The following MYT1L variants were observed in gnomAD, a reference collection of about 807,000 sequenced individuals.
MYT1L encodes the protein myelin transcription factor 1-like protein.
In MYT1L, 12 loss-of-function variants were observed where a neutral mutation model predicts 126.7. That is an observed-to-expected ratio of 0.09 (90% CI 0.06 to 0.15). The LOEUF is 0.15. MYT1L is among the 10% of genes least tolerant of loss of function. MYT1L has a pLI of 1.00. For missense variants in MYT1L, 979 were observed against 1,585.2 expected (o/e 0.62, Z 6.49); for synonymous variants, 541 against 604.2 (o/e 0.90, Z 1.53).
chr2:1,878,960 C>T (rs2047231548), intron 18 of MYT1L, among the ~76,000 whole-genome samples: 1 of 152,114 alleles, frequency 6.6e-6, no homozygotes, highest in Non-Finnish European at 1.5e-5. Flanking sequence ...CAGAAACAAA[C>T]CTCTTTCTGT....
intron 9 of MYT1L, among the ~76,000 whole-genome samples, chr2:1,938,962 A>C (rs1450001982): frequency 6.6e-6 from 1 of 152,224 alleles, no homozygotes; most frequent in Non-Finnish European, 1.5e-5. Context: ...TCTGAAACAA[A>C]ACCTCTTAGT....
intron 1 of MYT1L, among the ~76,000 whole-genome samples, chr2:2,307,660 A>G (rs1212242963): frequency 6.6e-6 from 1 of 151,990 alleles, no homozygotes; most frequent in African/African-American, 2.4e-5. Flanking sequence ...AGTACACTCT[A>G]CCTATACTCC....
At position 2,014,038 on chromosome 2, in the gene MYT1L, A is replaced by G. The variant is rs552212049; in HGVS notation, c.-157-16691T>C. On this transcript the variant is annotated intron_variant, in intron 4 of 24. Coordinates refer to ENST00000647738, the MANE Select transcript of MYT1L (RefSeq NM_001303052.2). ...GCCCATGCCTTTTCCTATGCAGCCA[A>G]TTTGCCTAGTAAATAACAACTAACT... 1.1e-4 allele frequency among the ~76,000 whole-genome samples: 17 copies of G among 152,320 alleles called. No individual in the cohort carries two copies. The South Asian group carries it at 2.9e-3, about 26-fold the overall frequency.
intron 3 of MYT1L, among the ~76,000 whole-genome samples, chr2:2,143,709 A>G (rs2084395384): frequency 6.6e-6 from 1 of 152,088 alleles, no homozygotes; most frequent in Non-Finnish European, 1.5e-5. Context: ...GCACAGCTAA[A>G]GAAAAGAGGA....
chr2:1,810,401 A>G (rs1221645275), intron 21 of MYT1L, among the ~76,000 whole-genome samples: 1 of 152,094 alleles, frequency 6.6e-6, no homozygotes, highest in African/African-American at 2.4e-5. Context: ...TGGCCTCCCA[A>G]AGTGCTAGGA....
intron 5 of MYT1L, among the ~76,000 whole-genome samples, chr2:1,987,622 T>C (rs2061147025): frequency 6.6e-6 from 1 of 152,228 alleles, no homozygotes; most frequent in Non-Finnish European, 1.5e-5. Context: ...GTTCTGAAGC[T>C]GGACCTAGCA....
At chr2:2,057,432 C>T (rs1168179391) in intron 3 of MYT1L, among the ~76,000 whole-genome samples, 2 of 151,978 alleles carry the variant, frequency 1.3e-5, no homozygotes, top group African/African-American at 4.8e-5. Context: ...CACGCCCATC[C>T]TTTTCCTTTC....
At chr2:2,137,129 C>T (rs2148105159) in intron 3 of MYT1L, among the ~76,000 whole-genome samples, 1 of 152,288 alleles carries the variant, frequency 6.6e-6, no homozygotes, top group East Asian at 1.9e-4. Flanking sequence ...ATCCACCTTA[C>T]AAGGGACGTG....
chr2:2,031,038 C>A (rs867276596), intron 4 of MYT1L, among the ~76,000 whole-genome samples: 7 of 152,318 alleles, frequency 4.6e-5, no homozygotes, highest in Middle Eastern at 6.8e-3. Flanking sequence ...AAATTATGCA[C>A]CCTTCATCAC....
intron 3 of MYT1L, among the ~76,000 whole-genome samples, chr2:2,066,396 C>T (rs975182992): frequency 1.3e-5 from 2 of 152,200 alleles, no homozygotes; most frequent in Admixed American, 6.5e-5. Context: ...AGAACAGCCC[C>T]GCCTCTTCCC....
intron 11 of MYT1L, among the ~76,000 whole-genome samples, chr2:1,916,369 G>C (rs2052827973): frequency 6.6e-6 from 1 of 152,116 alleles, no homozygotes; most frequent in Non-Finnish European, 1.5e-5. Flanking sequence ...TTCCCCACTA[G>C]AAACTGTGTC....
intron 2 of MYT1L, among the ~76,000 whole-genome samples, chr2:2,276,778 C>G (rs771762711): frequency 5.3e-5 from 8 of 152,068 alleles, no homozygotes; most frequent in Non-Finnish European, 8.8e-5. Context: ...TGCCTGCTTT[C>G]TACTCCTCCT....
At chr2:2,222,175 GA>G (rs1246512047) in intron 2 of MYT1L, among the ~76,000 whole-genome samples, 1 of 152,174 alleles carries the variant, frequency 6.6e-6, no homozygotes, top group African/African-American at 2.4e-5. Flanking sequence ...GAAACTCAGT[GA>G]AAAGGAGTTC....
chr2:1,902,188 A>G (rs1198173398), intron 14 of MYT1L, among the ~76,000 whole-genome samples: 1 of 152,236 alleles, frequency 6.6e-6, no homozygotes, highest in Non-Finnish European at 1.5e-5. Flanking sequence ...CTCTAATGAA[A>G]AGCTACTTAC....
intron 18 of MYT1L, among the ~76,000 whole-genome samples, chr2:1,875,586 G>A (rs2046807328): frequency 6.6e-6 from 1 of 152,242 alleles, no homozygotes; most frequent in Admixed American, 6.5e-5. Flanking sequence ...GAGTGCCTCA[G>A]TTTCCCTCCC....
intron 3 of MYT1L, among the ~76,000 whole-genome samples, chr2:2,057,792 G>T (rs966287227): frequency 1.3e-5 from 2 of 152,146 alleles, no homozygotes; most frequent in Admixed American, 1.3e-4. Flanking sequence ...CTTTCTAATG[G>T]CTGAGTAGTA....
At chr2:2,185,497 T>TCC (rs2092022356) in intron 2 of MYT1L, among the ~76,000 whole-genome samples, 22 of 113,334 alleles carry the variant, frequency 1.9e-4, no homozygotes, top group African/African-American at 6.0e-4. Flanking sequence ...CAGCCAGGCC[T>TCC]TCCGGGCCTT....
At chr2:2,040,927 G>A (rs1041551679) in intron 4 of MYT1L, among the ~76,000 whole-genome samples, 2 of 152,122 alleles carry the variant, frequency 1.3e-5, no homozygotes, top group African/African-American at 4.8e-5. Context: ...AGTAACCAAT[G>A]TGCTTAGAAA....
At chr2:1,792,075 A>T (rs2032187683) in intron 24 of MYT1L, 68 bp from the exon 25 acceptor site, 3 of 1,324,162 alleles carry the variant, frequency 2.3e-6, no homozygotes, top group South Asian at 1.6e-5. Context: ...ACAAAAGCAT[A>T]AAATAGTATC....
Sources: allele counts gnomAD v4.1 joint callset (sites outside exome capture counted in the v4.1 genomes callset), GRCh38; gene constraint gnomAD v4.1.1; transcripts MANE v1.5; gene names NCBI Gene and HGNC (gene_info 2026-07-23, HGNC 2026-07-21).